The following PRKG2 variants were observed in gnomAD, a reference collection of about 807,000 sequenced individuals.
PRKG2 encodes protein kinase cGMP-dependent 2.
In PRKG2, 33 loss-of-function variants were observed where a neutral mutation model predicts 97.2. The ratio of observed to expected loss-of-function variants is 0.34; its 90% CI spans 0.26 to 0.45. PRKG2 has a LOEUF of 0.45. PRKG2 is among the 20% of genes least tolerant of loss of function. PRKG2 has a pLI of 1.00. For synonymous variants in PRKG2, 330 were observed against 321.8 expected, an observed-to-expected ratio of 1.03 and a Z score of -0.27; for missense variants, 638 against 900.0, an observed-to-expected ratio of 0.71 and a Z score of 3.73.
intron 17 of PRKG2, among the ~76,000 whole-genome samples, chr4:81,098,235 G>A (rs765924088): frequency 8.5e-5 from 13 of 152,138 alleles, no homozygotes; most frequent in East Asian, 3.9e-4. Flanking sequence ...CTCGAACATC[G>A]GACTCGAAGT....
At position 81,176,803 on chromosome 4, in the gene PRKG2, G is replaced by C. The variant is rs141414146; in HGVS notation, c.462-1844C>G. ...TTTTTTGGTTTAACTTCTTTCTTTT[G>C]GTTCTTCATTTCTTTTTGGTTTAAC... On this transcript the variant is annotated intron_variant, in intron 2 of 18. Coordinates refer to ENST00000264399, the MANE Select transcript of PRKG2 (RefSeq NM_006259.3). 3.8e-3 allele frequency among the ~76,000 whole-genome samples: 572 copies of C among 151,316 alleles called. 5 individuals are homozygous for C. The highest frequency in any genetic ancestry group is 0.013 in the African/African-American group (540 of 41,222).
At chr4:81,125,519 G>C (rs1243290842) in intron 14 of PRKG2, among the ~76,000 whole-genome samples, 2 of 152,192 alleles carry the variant, frequency 1.3e-5, no homozygotes, top group Non-Finnish European at 2.9e-5. Flanking sequence ...TTCAGTTGAT[G>C]ATGGGTATTT....
intron 1 of PRKG2, among the ~76,000 whole-genome samples, chr4:81,208,043 C>T (rs537710239): frequency 6.6e-6 from 1 of 152,160 alleles, no homozygotes; most frequent in African/African-American, 2.4e-5. Context: ...GAGGGCAGCA[C>T]ATGATGCAAT....
intron 14 of PRKG2, among the ~76,000 whole-genome samples, chr4:81,123,629 C>T (rs1387501503): frequency 6.6e-6 from 1 of 152,184 alleles, no homozygotes; most frequent in African/African-American, 2.4e-5. Flanking sequence ...TGGTCTCGAT[C>T]TCCTGACCTC....
intron 14 of PRKG2, among the ~76,000 whole-genome samples, chr4:81,125,151 A>G (rs1194618973): frequency 6.6e-6 from 1 of 152,130 alleles, no homozygotes; most frequent in Non-Finnish European, 1.5e-5. Flanking sequence ...CCTTTATGCT[A>G]CAATTTTTTA....
chr4:81,140,852 C>A (rs1372992300), intron 11 of PRKG2, among the ~76,000 whole-genome samples, 183 bp from the exon 12 acceptor site: 3 of 152,084 alleles, frequency 2.0e-5, no homozygotes, highest in African/African-American at 7.2e-5. Flanking sequence ...AATAGTTCAT[C>A]TATCTGGGAT....
intron 2 of PRKG2, among the ~76,000 whole-genome samples, chr4:81,176,958 T>C (rs1750981916): frequency 6.6e-6 from 1 of 152,208 alleles, no homozygotes; most frequent in Non-Finnish European, 1.5e-5. Context: ...TCTATCCATC[T>C]AGTACTTACT....
intron 17 of PRKG2, among the ~76,000 whole-genome samples, chr4:81,097,170 A>C (rs1437260703): frequency 6.6e-6 from 1 of 152,200 alleles, no homozygotes; most frequent in Non-Finnish European, 1.5e-5. Context: ...AAAACATTAA[A>C]ATTAAAAATA....
At position 81,205,064 on chromosome 4, in the gene PRKG2, A is replaced by C; in HGVS notation, c.-13-4T>G. 6.4e-7 allele frequency: 1 copy of C among 1,560,592 alleles called. No individual in the cohort carries two copies. Among genetic ancestry groups the C allele is most frequent in the Non-Finnish European group, 8.7e-7 (1 of 1,148,478 alleles). ...ATTTCCCATTTTGCTCAGGGACCTG[A>C]GAAGGCACAGAATTGGGAAGTATCA... On this transcript the variant is annotated splice_region_variant and splice_polypyrimidine_tract_variant and intron_variant, in intron 1 of 18. Coordinates refer to ENST00000264399, the MANE Select transcript of PRKG2 (RefSeq NM_006259.3).
chr4:81,099,803 T>C lies in PRKG2; in HGVS notation c.2126+4567A>G, dbSNP rs141876580. On this transcript the variant is annotated intron_variant, in intron 17 of 18. Transcript: ENST00000264399. ...TGTTTGCAGATGACATGATTGTGTA[T>C]CTAGGAAACCCCACTGTCTCAGCCC... Among the ~76,000 whole-genome samples the C allele has an allele frequency of 1.4e-3, 208 of 152,280 alleles. 1 individual carries two copies. Among genetic ancestry groups the C allele is most frequent in the African/African-American group, 4.5e-3 (189 of 41,550 alleles).
chr4:81,212,338 C>T (rs1018105803), intron 1 of PRKG2, among the ~76,000 whole-genome samples: 2 of 134,494 alleles, frequency 1.5e-5, no homozygotes, highest in Admixed American at 7.9e-5. Context: ...ATGCCACTAT[C>T]CTATATTTGA....
chr4:81,164,019 C>T (rs1352136327), intron 6 of PRKG2, among the ~76,000 whole-genome samples: 1 of 152,030 alleles, frequency 6.6e-6, no homozygotes, highest in Admixed American at 6.6e-5. Context: ...TTTAGAACAC[C>T]TCAGAAGTTT....
chr4:81,174,621 C>T (rs1012056411), intron 3 of PRKG2, among the ~76,000 whole-genome samples, 172 bp downstream of exon 3: 11 of 152,150 alleles, frequency 7.2e-5, no homozygotes, highest in African/African-American at 2.2e-4. Context: ...ATATTACCAT[C>T]AATTAAACAT....
chr4:81,144,845 A>G (rs1396494681), intron 9 of PRKG2, among the ~76,000 whole-genome samples: 1 of 142,842 alleles, frequency 7.0e-6, no homozygotes, highest in African/African-American at 2.6e-5. Flanking sequence ...CCTATGAGTG[A>G]GAACATGCAG....
chr4:81,110,746 C>CAA, intron 14 of PRKG2, 135 bp from the exon 15 acceptor site: 1 of 723,602 alleles, frequency 1.4e-6, no homozygotes, highest in Non-Finnish European at 2.2e-6. Context: ...CACACACACA[C>CAA]ACAAAGAGAG....
intron 6 of PRKG2, among the ~76,000 whole-genome samples, chr4:81,166,489 G>T (rs1013490564): frequency 6.6e-6 from 1 of 152,006 alleles, no homozygotes; most frequent in Non-Finnish European, 1.5e-5. Flanking sequence ...ATCTGAAGAC[G>T]TTTTCACAAA....
intron 1 of PRKG2, among the ~76,000 whole-genome samples, chr4:81,209,759 A>G (rs555289254): frequency 6.6e-6 from 1 of 152,264 alleles, no homozygotes; most frequent in East Asian, 1.9e-4. Flanking sequence ...TTGAACTGAA[A>G]ACATGTACTA....
Position 81,171,673 on chromosome 4 carries a change from C to A in PRKG2, c.742+18G>T. On this transcript the variant is annotated intron_variant, in intron 4 of 18. Transcript: ENST00000264399. ...ATGCCACAACAATTCAAAGATGGAGCATTTCCTCTTTTATTACCTTTCACA... is the reference window on the plus strand; with the variant it reads ...ATGCCACAACAATTCAAAGATGGAGAATTTCCTCTTTTATTACCTTTCACA... 1 of 1,549,040 alleles carries A rather than the reference C, an allele frequency of 6.5e-7. No homozygotes were observed. The highest frequency in any genetic ancestry group is 8.8e-7 in the Non-Finnish European group (1 of 1,133,660).
chr4:81,155,687 G>A lies in PRKG2; in HGVS notation c.913-1966C>T, dbSNP rs1247468554. Among the ~76,000 whole-genome samples the A allele has an allele frequency of 1.9e-3, 284 of 151,560 alleles. 1 individual carries two copies. Among genetic ancestry groups the A allele is most frequent in the African/African-American group, 6.4e-3 (263 of 41,310 alleles). ...TTAAGGGCAGCCAGAGAGAAAGGTC[G>A]GGTTACCCTCAAAGGGAAGCCCATC... On this transcript the variant is annotated intron_variant, in intron 6 of 18. Transcript: ENST00000264399.
Sources: allele counts gnomAD v4.1 joint callset (sites outside exome capture counted in the v4.1 genomes callset), GRCh38; gene constraint gnomAD v4.1.1; transcripts MANE v1.5; gene names NCBI Gene and HGNC (gene_info 2026-07-23, HGNC 2026-07-21).